The following NTN4 variants were observed in gnomAD, a reference collection of about 807,000 sequenced individuals.
NTN4 encodes netrin-4.
Under a neutral mutation model 73.6 loss-of-function variants are expected in NTN4, and 32 were observed. That is an observed-to-expected ratio of 0.44 (90% confidence interval 0.33 to 0.58). The LOEUF (loss-of-function observed/expected upper bound fraction) is 0.58, where lower values mean the gene tolerates loss of function less well. NTN4 is among the 20% of genes least tolerant of loss of function. The probability of loss-of-function intolerance (pLI) is 0.04; values close to 1 mark genes in which losing one functional copy is unlikely to be tolerated. For missense variants in NTN4, 654 were observed against 798.3 expected, an observed-to-expected ratio of 0.82 and a Z score of 2.18; for synonymous variants, 258 against 287.5, an observed-to-expected ratio of 0.90 and a Z score of 1.04.
chr12:95,746,393 C>T (rs970156338), intron 2 of NTN4, among the ~76,000 whole-genome samples: 2 of 152,064 alleles, frequency 1.3e-5, no homozygotes, highest in South Asian at 2.1e-4. Flanking sequence ...TAGACCCCCC[C>T]CTCCCCTTTC....
chr12:95,659,305 A>C (rs1330698562), intron 9 of NTN4, 83 bp from the exon 10 acceptor site: 3 of 1,097,026 alleles, frequency 2.7e-6, no homozygotes, highest in Non-Finnish European at 3.9e-6. Flanking sequence ...TTTCTTTTGC[A>C]TTTATTTTGA....
intron 5 of NTN4, among the ~76,000 whole-genome samples, chr12:95,693,387 A>G (rs1415327714): frequency 6.6e-6 from 1 of 152,064 alleles, no homozygotes; most frequent in Non-Finnish European, 1.5e-5. Flanking sequence ...TCTAAGTTCT[A>G]TGGAATTAAG....
chr12:95,756,660 C>G (rs2078949355), intron 2 of NTN4, among the ~76,000 whole-genome samples: 1 of 152,188 alleles, frequency 6.6e-6, no homozygotes, highest in South Asian at 2.1e-4. Flanking sequence ...TCATCAATCT[C>G]TTGCCTGCTT....
At chr12:95,754,992 G>A (rs1302268352) in intron 2 of NTN4, among the ~76,000 whole-genome samples, 6 of 152,196 alleles carry the variant, frequency 3.9e-5, no homozygotes, top group Non-Finnish European at 8.8e-5. Flanking sequence ...ATTCACAACT[G>A]TTCTGATTAT....
chr12:95,683,097 T>C (rs998279763), intron 6 of NTN4, among the ~76,000 whole-genome samples: 3 of 152,222 alleles, frequency 2.0e-5, no homozygotes, highest in African/African-American at 7.2e-5. Context: ...TTTACTCTTG[T>C]TGCCCAGGCT....
intron 2 of NTN4, among the ~76,000 whole-genome samples, chr12:95,739,199 T>C (rs557416537): frequency 1.3e-5 from 2 of 152,348 alleles, no homozygotes; most frequent in South Asian, 4.1e-4. Context: ...TTGGCATTTG[T>C]GTAATAGGTG....
intron 8 of NTN4, among the ~76,000 whole-genome samples, chr12:95,669,019 G>A (rs1020299748): frequency 2.0e-5 from 3 of 152,158 alleles, no homozygotes; most frequent in Non-Finnish European, 4.4e-5. Flanking sequence ...AGCTACCTGG[G>A]AGGCTGAGGC....
chr12:95,681,197 A>AG, intron 7 of NTN4, among the ~76,000 whole-genome samples: 1 of 151,394 alleles, frequency 6.6e-6, no homozygotes, highest in East Asian at 2.0e-4. Flanking sequence ...TCAAAAAAAA[A>AG]AAAAAAAAAA....
At chr12:95,745,695 G>A (rs2078856984) in intron 2 of NTN4, among the ~76,000 whole-genome samples, 1 of 152,026 alleles carries the variant, frequency 6.6e-6, no homozygotes, top group Non-Finnish European at 1.5e-5. Context: ...TTCTTTGCAG[G>A]TCTTGATTAG....
At position 95,693,002 on chromosome 12, in the gene NTN4, T is replaced by TA. The variant is rs900207936; in HGVS notation, c.1181-9292dup. 5.3e-3 allele frequency among the ~76,000 whole-genome samples: 780 copies of TA among 146,228 alleles called. 1 individual carries two copies. Among genetic ancestry groups the TA allele is most frequent in the African/African-American group, 0.017 (661 of 39,850 alleles). ...TCAGGCATCTAGTGGCACCAAATGC[T>TA]AAAAAAAAAAAGGATATTATTATCT... On this transcript the variant is annotated intron_variant, in intron 5 of 9. Transcript: ENST00000343702.
At chr12:95,701,644 T>C (rs990286325) in intron 5 of NTN4, among the ~76,000 whole-genome samples, 1 of 152,104 alleles carries the variant, frequency 6.6e-6, no homozygotes, top group African/African-American at 2.4e-5. Flanking sequence ...GGCTAGAAGA[T>C]TTGGTTCAGG....
intron 7 of NTN4, among the ~76,000 whole-genome samples, chr12:95,681,528 ATT>A (rs1291503511): frequency 6.6e-6 from 1 of 152,196 alleles, no homozygotes; most frequent in African/African-American, 2.4e-5. Context: ...TGTGAGTTTA[ATT>A]TGGAGCATTT....
In NTN4 at chr12:95,705,790, CA is replaced by C. The variant is rs571672833; in HGVS notation, c.1180+4650del. On this transcript the variant is annotated intron_variant, in intron 5 of 9. Coordinates refer to ENST00000343702, the MANE Select transcript of NTN4 (RefSeq NM_021229.4). Reference sequence around the variant, plus strand: ...TATACATATGTGTATGTATACATTACAGATAACTCACTAGACTTTGTTAGCT... The same window carrying C: ...TATACATATGTGTATGTATACATTACGATAACTCACTAGACTTTGTTAGCT... Among the ~76,000 whole-genome samples, 71 of 152,238 alleles carry C rather than the reference CA, an allele frequency of 4.7e-4. 1 individual carries two copies. Among genetic ancestry groups the C allele is most frequent in the Middle Eastern group, 3.4e-3 (1 of 294 alleles).
At chr12:95,786,862 C>T in intron 2 of NTN4, 77 bp downstream of exon 2, 3 of 1,162,938 alleles carry the variant, frequency 2.6e-6, no homozygotes, top group East Asian at 4.7e-5. Context: ...AGTATAGCTT[C>T]ATGCTTTAAA....
At chr12:95,697,440 A>G (rs12301064) in intron 5 of NTN4, among the ~76,000 whole-genome samples, 1 of 152,136 alleles carries the variant, frequency 6.6e-6, no homozygotes, top group African/African-American at 2.4e-5. Flanking sequence ...GACAATATTT[A>G]TCATCTTTCA....
intron 5 of NTN4, among the ~76,000 whole-genome samples, chr12:95,709,842 A>G (rs2121081357): frequency 6.6e-6 from 1 of 152,098 alleles, no homozygotes. Context: ...CTCCAAATAA[A>G]CCTCTTCTCA....
At chr12:95,778,690 G>A (rs1160550563) in intron 2 of NTN4, among the ~76,000 whole-genome samples, 1 of 152,070 alleles carries the variant, frequency 6.6e-6, no homozygotes, top group Non-Finnish European at 1.5e-5. Context: ...ACCAAAAAAA[G>A]TCCAGGACCA....
chr12:95,703,593 T>C (rs925562218), intron 5 of NTN4, among the ~76,000 whole-genome samples: 3 of 152,188 alleles, frequency 2.0e-5, no homozygotes, highest in Admixed American at 6.5e-5. Flanking sequence ...TGAAGAAACC[T>C]TTGATTAATT....
intron 5 of NTN4, among the ~76,000 whole-genome samples, chr12:95,700,080 A>ATTTTTTTTTTTTTTT (rs56063223): frequency 4.8e-5 from 2 of 41,822 alleles, no homozygotes; most frequent in Non-Finnish European, 4.3e-5. Flanking sequence ...TAAAGTGAGG[A>ATTTTTTTTTTTTTTT]TTTTTTTTTT....
Sources: gnomAD v4.1 joint callset for allele counts (sites outside exome capture counted in the v4.1 genomes callset) on GRCh38, gnomAD v4.1.1 for gene constraint, MANE v1.5 for transcripts, NCBI Gene and HGNC (gene_info 2026-07-23, HGNC 2026-07-21) for gene names.